Variants in MLLT3 observed in about 807,000 individuals in gnomAD.
MLLT3 encodes MLLT3 super elongation complex subunit, also known as protein AF-9.
Under a neutral mutation model 53.2 loss-of-function variants are expected in MLLT3, and 4 were observed. The ratio of observed to expected loss-of-function variants is 0.08; its 90% CI spans 0.04 to 0.17. The LOEUF is 0.17. MLLT3 is among the 10% of genes least tolerant of loss of function. The pLI, the probability that MLLT3 is intolerant of heterozygous loss-of-function variation, is 1.00. For missense variants in MLLT3, 569 were observed against 684.0 expected, an observed-to-expected ratio of 0.83 and a Z score of 1.87; for synonymous variants, 283 against 230.6, an observed-to-expected ratio of 1.23 and a Z score of -2.06.
chr9:20,577,569 CATACCAAT>C (rs1298883828), intron 2 of MLLT3, among the ~76,000 whole-genome samples: 1 of 152,212 alleles, frequency 6.6e-6, no homozygotes, highest in Admixed American at 6.5e-5. Context: ...CTCTCACTTT[CATACCAAT>C]ATACCAACCA....
rs755789520 is a variant in MLLT3, at chr9:20,360,762, G to A, written c.1411C>T (p.Leu471=). ...TTTACCTGGTTGTTGTTGGTTTTTA[G>A]TAAGGGTGGTGGAGGTTCGTGATGT... ...PLHHEPPPPL[L]KTNNNQILEV... is the part of the protein sequence containing the mutation. Residue 471 remains leucine, a synonymous_variant, in exon 8 of 11, where the codon CTA becomes TTA. Coordinates refer to ENST00000380338, the MANE Select transcript of MLLT3 (RefSeq NM_004529.4). The A allele has an allele frequency of 6.2e-7, 1 of 1,613,992 alleles. No homozygotes were observed. The highest frequency in any genetic ancestry group is 8.5e-7 in the Non-Finnish European group (1 of 1,179,856).
At chr9:20,595,892 C>T (rs1294422967) in intron 2 of MLLT3, among the ~76,000 whole-genome samples, 1 of 152,150 alleles carries the variant, frequency 6.6e-6, no homozygotes, top group East Asian at 1.9e-4. Context: ...TAGCTCTGTC[C>T]AATACGGCAG....
chr9:20,535,281 G>C (rs1031194792), intron 2 of MLLT3, among the ~76,000 whole-genome samples: 1 of 152,118 alleles, frequency 6.6e-6, no homozygotes, highest in East Asian at 1.9e-4. Context: ...CTGATGATTT[G>C]AGGTGGAACA....
chr9:20,547,468 A>T (rs550819918), intron 2 of MLLT3, among the ~76,000 whole-genome samples: 1 of 151,774 alleles, frequency 6.6e-6, no homozygotes, highest in East Asian at 2.0e-4. Context: ...ACATGATGAA[A>T]CCCCGTCTCT....
chr9:20,349,731 T>C (rs1223244889), intron 10 of MLLT3, among the ~76,000 whole-genome samples: 2 of 152,240 alleles, frequency 1.3e-5, no homozygotes, highest in East Asian at 1.9e-4. Context: ...TCATGCATTG[T>C]GCTATCTTGC....
intron 5 of MLLT3, among the ~76,000 whole-genome samples, chr9:20,394,419 G>T (rs910960680): frequency 6.6e-6 from 1 of 152,134 alleles, no homozygotes; most frequent in African/African-American, 2.4e-5. Flanking sequence ...TTAGTGACCT[G>T]GCCCTGAGTT....
intron 2 of MLLT3, among the ~76,000 whole-genome samples, chr9:20,551,634 A>C (rs12682958): frequency 0.2 from 30,450 of 151,772 alleles, 3,105 homozygotes; most frequent in Middle Eastern, 0.25. Flanking sequence ...ATCAGAAAAG[A>C]AAAAAAAACT....
intron 2 of MLLT3, among the ~76,000 whole-genome samples, chr9:20,607,343 T>C (rs1169627952): frequency 6.6e-6 from 1 of 152,170 alleles, no homozygotes; most frequent in African/African-American, 2.4e-5. Context: ...TCTGTACTCA[T>C]TGTGCCAAAG....
chr9:20,590,543 T>A (rs929839047), intron 2 of MLLT3, among the ~76,000 whole-genome samples: 1 of 152,190 alleles, frequency 6.6e-6, no homozygotes, highest in Non-Finnish European at 1.5e-5. Flanking sequence ...TGTCTGTCTC[T>A]CTCTCTGTCA....
chr9:20,429,553 A>G (rs1280277836), intron 4 of MLLT3, among the ~76,000 whole-genome samples: 2 of 151,882 alleles, frequency 1.3e-5, no homozygotes, highest in African/African-American at 2.4e-5. Flanking sequence ...GTAGGGGGGA[A>G]AAAAAGGAAA....
At position 20,373,638 on chromosome 9, in the gene MLLT3, A is replaced by C. The variant is rs140004063; in HGVS notation, c.1126-7894T>G. On this transcript the variant is annotated intron_variant, in intron 5 of 10. Coordinates refer to ENST00000380338, the MANE Select transcript of MLLT3 (RefSeq NM_004529.4). ...AAAATAGTGAAAAGGGAAAGAGTAC[A>C]GTATAACTAGTTAAACAGAAATGAT... 6.8e-4 allele frequency among the ~76,000 whole-genome samples: 103 copies of C among 152,346 alleles called. No individual in the cohort carries two copies. In the East Asian group the frequency reaches 0.014, roughly 21 times the overall value.
intron 2 of MLLT3, among the ~76,000 whole-genome samples, chr9:20,497,347 T>C (rs534116177): frequency 6.6e-6 from 1 of 152,166 alleles, no homozygotes; most frequent in African/African-American, 2.4e-5. Flanking sequence ...TGTTTTGACA[T>C]AAATATATAC....
At position 20,414,165 on chromosome 9, in the gene MLLT3, T is replaced by C; in HGVS notation, c.681A>G (p.Lys227=). Residue 227 remains lysine, a synonymous_variant, in exon 5 of 11, where the codon AAA becomes AAG. Transcript: ENST00000380338. ...GTTTCTTAGAGGATTCTTTGGAAGA[T>C]TTGTTGTGATCCCTGGAAGGTTCTT... The part of the protein sequence containing the change: ...AFKEPSRDHN[K]SSKESSKKPK... 6.2e-7 allele frequency: 1 copy of C among 1,614,220 alleles called. No individual in the cohort carries two copies. Among genetic ancestry groups the C allele is most frequent in the South Asian group, 1.1e-5 (1 of 91,082 alleles).
At chr9:20,358,650 A>G (rs1378627541) in intron 8 of MLLT3, among the ~76,000 whole-genome samples, 1 of 152,214 alleles carries the variant, frequency 6.6e-6, no homozygotes. Context: ...TTTGAAGGGC[A>G]TGAAAGGTGC....
At chr9:20,557,068 G>A (rs1042282861) in intron 2 of MLLT3, among the ~76,000 whole-genome samples, 21 of 152,182 alleles carry the variant, frequency 1.4e-4, no homozygotes, top group Admixed American at 1.1e-3. Flanking sequence ...CAGCTCCTCG[G>A]TTTGCACCTG....
intron 2 of MLLT3, among the ~76,000 whole-genome samples, chr9:20,562,238 C>G (rs1819235558): frequency 6.6e-6 from 1 of 152,050 alleles, no homozygotes; most frequent in Non-Finnish European, 1.5e-5. Context: ...AAGTTTCCAG[C>G]CATTGGCTAC....
At chr9:20,478,251 C>G (rs16938069) in intron 2 of MLLT3, among the ~76,000 whole-genome samples, 504 of 152,150 alleles carry the variant, frequency 3.3e-3, no homozygotes, top group African/African-American at 0.01. Context: ...GAAGTTAACA[C>G]GGCATTCTTT....
intron 5 of MLLT3, among the ~76,000 whole-genome samples, chr9:20,368,096 T>C (rs1435506278): frequency 6.6e-6 from 1 of 152,248 alleles, no homozygotes; most frequent in South Asian, 2.1e-4. Flanking sequence ...ACTTGAGTAC[T>C]GTAGCACAAT....
chr9:20,604,793 C>T (rs1047028683), intron 2 of MLLT3, among the ~76,000 whole-genome samples: 5 of 152,092 alleles, frequency 3.3e-5, no homozygotes, highest in East Asian at 3.8e-4. Context: ...TTTCAGCCAA[C>T]GGAATGGATA....
Sources: allele counts gnomAD v4.1 joint callset (sites outside exome capture counted in the v4.1 genomes callset), GRCh38; gene constraint gnomAD v4.1.1; transcripts MANE v1.5; gene names NCBI Gene and HGNC (gene_info 2026-07-23, HGNC 2026-07-21).